SLC39A6: variants seen among roughly 807,000 people sequenced by gnomAD.
The protein encoded by SLC39A6 is zinc transporter ZIP6.
In SLC39A6, 51 loss-of-function variants were observed where a neutral mutation model predicts 63.5. The observed-to-expected ratio is 0.80, with a 90% confidence interval of 0.64 to 1.01. SLC39A6 has a LOEUF of 1.01. SLC39A6 is among the 50% of genes least tolerant of loss of function. SLC39A6 has a pLI of 0.00. For missense variants in SLC39A6, 805 were observed against 927.8 expected (o/e 0.87, Z 1.72); for synonymous variants, 318 against 324.7 (o/e 0.98, Z 0.22).
chr18:36,109,506 C>A lies in SLC39A6; in HGVS notation c.*87G>T. The A allele has an allele frequency of 9.8e-7, 1 of 1,015,542 alleles. No individual in the cohort carries two copies. Among genetic ancestry groups the A allele is most frequent in the Middle Eastern group, 2.6e-4 (1 of 3,874 alleles). 62.9% of individuals were successfully genotyped at this position (1,015,542 alleles called of 1,614,324 possible). On this transcript the variant is annotated 3_prime_UTR_variant, in exon 10 of 10. Transcript: ENST00000269187. The stretch of plus-strand genomic sequence containing the variant: ...TCACAAAACCCACTAACTTTAAACG[C>A]TGCATAGTACAGCATACAAACTCAT...
Position 36,116,793 on chromosome 18 carries a change from G to A in SLC39A6, c.1360-14C>T. 6.4e-7 allele frequency: 1 copy of A among 1,560,450 alleles called. No homozygotes were observed. Among genetic ancestry groups the A allele is most frequent in the Non-Finnish European group, 8.8e-7 (1 of 1,134,636 alleles). Reference sequence around the variant, plus strand: ...TTTCTTCTGATTCTAAAATAGTGAGGGAAAACAATACTTTAAAACAGTAAT... The same window carrying A: ...TTTCTTCTGATTCTAAAATAGTGAGAGAAAACAATACTTTAAAACAGTAAT... On this transcript the variant is annotated splice_polypyrimidine_tract_variant and intron_variant, in intron 5 of 9. Coordinates refer to ENST00000269187, the MANE Select transcript of SLC39A6 (RefSeq NM_012319.4).
In SLC39A6 at chr18:36,109,594, T is replaced by C; in HGVS notation, c.2267A>G (p.Ter756TrpextTer6). The C allele has an allele frequency of 6.2e-7, 1 of 1,605,046 alleles. No individual in the cohort carries two copies. The highest frequency in any genetic ancestry group is 1.1e-5 in the South Asian group (1 of 90,080). The stretch of plus-strand genomic sequence containing the variant: ...GCTACTCTAGCATTTAAACCTTAAC[T>C]AGAAATTTATACGAAACACGATTTT... The part of the protein sequence containing the change: ...EHKIVFRINF[*>W] The change falls in exon 10 of 10, where the codon TAG becomes TGG. Residue 756 changes from the stop codon to tryptophan (W), a stop_lost. Transcript: ENST00000269187.
chr18:36,116,060 A>G (rs189766016), intron 6 of SLC39A6, among the ~76,000 whole-genome samples: 25 of 152,334 alleles, frequency 1.6e-4, no homozygotes, highest in Admixed American at 1.6e-3. Context: ...TAAATGCAAT[A>G]TTTGATCCTG....
rs184379818 is a variant in SLC39A6, at chr18:36,127,867, A to G, written c.-9-851T>C. 2.1e-3 allele frequency among the ~76,000 whole-genome samples: 324 copies of G among 151,588 alleles called. 4 individuals are homozygous for G. The highest frequency in any genetic ancestry group is 7.5e-3 in the African/African-American group (308 of 41,272). ...GGCCTCAAGAGATCCTCCACCTCCA[A>G]TTCCCAAAGTGCTGGGATTACAGGC... On this transcript the variant is annotated intron_variant, in intron 1 of 9. Coordinates refer to ENST00000269187, the MANE Select transcript of SLC39A6 (RefSeq NM_012319.4).
At chr18:36,121,141 C>T (rs1279416253) in intron 5 of SLC39A6, among the ~76,000 whole-genome samples, 1 of 151,008 alleles carries the variant, frequency 6.6e-6, no homozygotes, top group Non-Finnish European at 1.5e-5. Context: ...GATATGAACA[C>T]ATCACTTTTC....
At chr18:36,114,541 A>C in intron 6 of SLC39A6, 67 bp from the exon 7 acceptor site, 1 of 1,285,924 alleles carries the variant, frequency 7.8e-7, no homozygotes, top group Non-Finnish European at 1.1e-6. Context: ...GAGACATTTC[A>C]AACCTCATTG....
At chr18:36,121,543 C>T (rs2089394285) in intron 5 of SLC39A6, among the ~76,000 whole-genome samples, 1 of 152,100 alleles carries the variant, frequency 6.6e-6, no homozygotes, top group African/African-American at 2.4e-5. Flanking sequence ...CCATAGGCGA[C>T]TCAAAAGGGT....
intron 1 of SLC39A6, among the ~76,000 whole-genome samples, chr18:36,128,309 C>T (rs1373718401): frequency 2.0e-5 from 3 of 152,206 alleles, no homozygotes; most frequent in Non-Finnish European, 4.4e-5. Flanking sequence ...ATGGGGCTAT[C>T]CAGCTCTACC....
intron 5 of SLC39A6, among the ~76,000 whole-genome samples, chr18:36,120,117 C>T (rs1332294078): frequency 6.6e-6 from 1 of 151,970 alleles, no homozygotes; most frequent in East Asian, 1.9e-4. Context: ...ATAAACTAGT[C>T]CATATATGGC....
In SLC39A6 at chr18:36,126,718, T is replaced by C. The variant is rs1364048623; in HGVS notation, c.290A>G (p.Asp97Gly). 4.3e-6 allele frequency: 7 copies of C among 1,614,054 alleles called. No individual in the cohort carries two copies. The highest frequency in any genetic ancestry group is 5.9e-6 in the Non-Finnish European group (7 of 1,179,970). The change falls in exon 2 of 10, where the codon GAC (aspartate) becomes GGC (glycine). Residue 97 changes from aspartate (D) to glycine (G), a missense_variant. Transcript: ENST00000269187. ...GTGATGCTCGTGGTCTGAGTGATGG[T>C]CGTGGTCATGGTGTATATGGATTCT... ...IKRIHIHHDH[D>G]HHSDHEHHSD... is the part of the protein sequence containing the mutation.
At position 36,117,437 on chromosome 18, in the gene SLC39A6, A is replaced by G. The variant is rs138344792; in HGVS notation, c.1360-658T>C. ...ACACCATTAACATGATTTCTCTTTT[A>G]AAACAAGCCTCTATTAACCCTGAAT... On this transcript the variant is annotated intron_variant, in intron 5 of 9. Transcript: ENST00000269187. 2.4e-3 allele frequency among the ~76,000 whole-genome samples: 370 copies of G among 152,326 alleles called. 4 individuals are homozygous for G. The highest frequency in any genetic ancestry group is 8.4e-3 in the African/African-American group (349 of 41,570).
rs771633463 is a variant in SLC39A6 at position 36,124,567 on chromosome 18, C to G, written c.923G>C (p.Ser308Thr). ...IDARSCLIHT[S>T]EKKAEIPPKT... ...TGGAGGGATTTCAGCCTTCTTTTCA[C>G]TTGTATGAATCAGACAAGATCTAGC... is the stretch of plus-strand genomic sequence containing the variant. Residue 308 changes from serine to threonine, a missense_variant, in exon 3 of 10, where the codon AGT becomes ACT. By Grantham distance (58) the Ser-to-Thr change is moderately conservative. Transcript: ENST00000269187. 4.8e-5 allele frequency: 76 copies of G among 1,576,026 alleles called. 1 individual carries two copies. The highest frequency in any genetic ancestry group is 1.0e-5 in the Non-Finnish European group (12 of 1,150,240).
chr18:36,111,553 T>C (rs974344478), intron 8 of SLC39A6, among the ~76,000 whole-genome samples: 3 of 151,446 alleles, frequency 2.0e-5, no homozygotes, highest in African/African-American at 4.9e-5. Flanking sequence ...GCACCGATCT[T>C]GGCTCATTGC....
At position 36,123,647 on chromosome 18, in the gene SLC39A6, T is replaced by C; in HGVS notation, c.988A>G (p.Ile330Val). ...AGGAAACTGATGATGGAAATGGCTA[T>C]AAAACCACCAACCCAGGCTGTCAAA... is the stretch of plus-strand genomic sequence containing the variant. The part of the protein sequence containing the change: ...SLQIAWVGGF[I>V]AISIISFLSL... Residue 330 changes from isoleucine to valine, a missense_variant, in exon 4 of 10, where the codon ATA becomes GTA. Ile to Val is a conservative substitution (Grantham distance 29, BLOSUM62 3). Around this residue, in one of 4 missense-constraint regions of SLC39A6, gnomAD observed 639 missense variants for 644.0 expected, o/e 0.99. Coordinates refer to ENST00000269187, the MANE Select transcript of SLC39A6 (RefSeq NM_012319.4). 1 of 1,607,298 alleles carries C rather than the reference T, an allele frequency of 6.2e-7. No homozygotes were observed. The highest frequency in any genetic ancestry group is 8.5e-7 in the Non-Finnish European group (1 of 1,178,250).
chr18:36,118,596 G>A (rs1031110955), intron 5 of SLC39A6, among the ~76,000 whole-genome samples: 4 of 152,110 alleles, frequency 2.6e-5, no homozygotes, highest in Non-Finnish European at 5.9e-5. Context: ...AAGGTGGCCG[G>A]GGCCTACTAG....
chr18:36,114,515 T>C, intron 6 of SLC39A6, 41 bp from the exon 7 acceptor site: 1 of 1,489,878 alleles, frequency 6.7e-7, no homozygotes, highest in African/African-American at 1.4e-5. Flanking sequence ...GTTAGAAGGC[T>C]TTGTTAATGG....
At chr18:36,128,868 A>C (rs1166563531) in intron 1 of SLC39A6, among the ~76,000 whole-genome samples, 1 of 152,218 alleles carries the variant, frequency 6.6e-6, no homozygotes, top group African/African-American at 2.4e-5. Flanking sequence ...TGGGATGAAA[A>C]GTACGGATCT....
At position 36,125,350 on chromosome 18, in the gene SLC39A6, G is replaced by GAAAAAAAAAAAAA. The variant is rs72307025; in HGVS notation, c.790-663_790-651dup. 2.0e-4 allele frequency among the ~76,000 whole-genome samples: 27 copies of GAAAAAAAAAAAAA among 133,952 alleles called. 1 individual carries two copies. The highest frequency in any genetic ancestry group is 7.5e-3 in the Middle Eastern group (2 of 266). 87.9% of individuals were successfully genotyped at this position (133,952 alleles called of 152,430 possible). ...TGCAATCTCTCCCCCAGCCAAAAAA[G>GAAAAAAAAAAAAA]AAAAAAAAAAAAAAACAACAAAAAA... On this transcript the variant is annotated intron_variant, in intron 2 of 9. Transcript: ENST00000269187.
intron 8 of SLC39A6, among the ~76,000 whole-genome samples, chr18:36,112,173 C>T (rs768454483): frequency 6.6e-6 from 1 of 152,180 alleles, no homozygotes; most frequent in African/African-American, 2.4e-5. Context: ...AAAACAAGGA[C>T]GTGAACTGGG....
Sources: allele counts gnomAD v4.1 joint callset (sites outside exome capture counted in the v4.1 genomes callset), GRCh38; gene constraint gnomAD v4.1.1; regional missense constraint gnomAD v4.1.1; transcripts MANE v1.5; gene names NCBI Gene and HGNC (gene_info 2026-07-23, HGNC 2026-07-21).